COL21A1: variants seen among roughly 807,000 people sequenced by gnomAD.
COL21A1 encodes collagen type XXI alpha 1 chain, also known as collagen alpha-1(XXI) chain.
In COL21A1, 149 loss-of-function variants were observed where a neutral mutation model predicts 137.9. The observed-to-expected ratio is 1.08, with a 90% CI of 0.95 to 1.24. COL21A1 has a LOEUF of 1.24. Among genes scored for constraint, COL21A1 ranks in the 50% most tolerant of loss-of-function variants. The pLI is 0.00. For synonymous variants in COL21A1, 456 were observed against 391.5 expected, an observed-to-expected ratio of 1.16 and a Z score of -1.95; for missense variants, 1,167 against 1,158.4, an observed-to-expected ratio of 1.01 and a Z score of -0.11.
At chr6:56,143,017 C>T (rs746356184) in intron 10 of COL21A1, among the ~76,000 whole-genome samples, 7 of 151,966 alleles carry the variant, frequency 4.6e-5, no homozygotes, top group South Asian at 4.1e-4. Flanking sequence ...ATCACAATTC[C>T]CTGTTTTTCT....
chr6:56,287,042 A>G (rs1763930140), intron 1 of COL21A1, among the ~76,000 whole-genome samples: 1 of 152,208 alleles, frequency 6.6e-6, no homozygotes, highest in Non-Finnish European at 1.5e-5. Context: ...AAAAGGTGGG[A>G]GAATCACTGC....
intron 22 of COL21A1, among the ~76,000 whole-genome samples, chr6:56,067,938 G>C (rs894122190): frequency 2.0e-5 from 3 of 151,596 alleles, no homozygotes; most frequent in Admixed American, 2.0e-4. Flanking sequence ...ACTTGGACAC[G>C]GTTTCCAAAT....
chr6:56,166,459 C>T (rs1776587088), intron 7 of COL21A1, among the ~76,000 whole-genome samples: 1 of 152,138 alleles, frequency 6.6e-6, no homozygotes, highest in African/African-American at 2.4e-5. Flanking sequence ...CGAGACCAGC[C>T]TGGCCAACAT....
chr6:56,275,643 G>T (rs531247991), intron 1 of COL21A1, among the ~76,000 whole-genome samples: 1 of 152,236 alleles, frequency 6.6e-6, no homozygotes, highest in African/African-American at 2.4e-5. Flanking sequence ...AATCATCAGA[G>T]AAATGCAAAT....
At chr6:56,200,354 T>A (rs1473070400) in intron 1 of COL21A1, among the ~76,000 whole-genome samples, 3 of 152,102 alleles carry the variant, frequency 2.0e-5, no homozygotes, top group African/African-American at 7.2e-5. Context: ...GTGCACAACG[T>A]GCAGGTTGGT....
At chr6:56,293,426 G>A (rs991990986) in intron 1 of COL21A1, among the ~76,000 whole-genome samples, 4 of 151,696 alleles carry the variant, frequency 2.6e-5, no homozygotes, top group African/African-American at 7.3e-5. Context: ...ATGAGCTGAT[G>A]AATAAATATG....
chr6:56,075,488 T>C lies in COL21A1; in HGVS notation c.1902A>G (p.Pro634=). The C allele has an allele frequency of 6.5e-7, 1 of 1,538,842 alleles. No individual in the cohort carries two copies. The highest frequency in any genetic ancestry group is 1.2e-5 in the South Asian group (1 of 80,920). The change falls in exon 19 of 30, where the codon CCA becomes CCG. Residue 634 remains proline, a synonymous_variant. Coordinates refer to ENST00000244728, the MANE Select transcript of COL21A1 (RefSeq NM_030820.4). ...AATGACATCAACATACAGGCATCCC[T>C]GGGGCTCCTTTTTTTCCTTGCTGTC... is the stretch of plus-strand genomic sequence containing the variant. The part of the protein sequence containing the change: ...PPGQQGKKGA[P]GMPGLMGSNG...
At chr6:56,326,016 TGTATATA>T (rs1765081116) in intron 1 of COL21A1, among the ~76,000 whole-genome samples, 1 of 3,152 alleles carries the variant, frequency 3.2e-4, no homozygotes, top group Non-Finnish European at 9.5e-4. Flanking sequence ...ATTATGTATA[TGTATATA>T]CATAATATAT....
intron 1 of COL21A1, among the ~76,000 whole-genome samples, chr6:56,212,391 T>C (rs1286764053): frequency 6.6e-6 from 1 of 152,024 alleles, no homozygotes; most frequent in African/African-American, 2.4e-5. Context: ...CACTACTTAA[T>C]AAGAAATTTT....
chr6:56,202,864 T>C (rs1779506597), intron 1 of COL21A1, among the ~76,000 whole-genome samples: 1 of 152,206 alleles, frequency 6.6e-6, no homozygotes, highest in Non-Finnish European at 1.5e-5. Context: ...CATGTCTATA[T>C]AATGAGACCA....
chr6:56,388,065 C>G (rs1456731810), intron 1 of COL21A1, among the ~76,000 whole-genome samples: 1 of 152,154 alleles, frequency 6.6e-6, no homozygotes, highest in Non-Finnish European at 1.5e-5. Context: ...AACTTGGGTA[C>G]CAGCTCAGCC....
chr6:56,376,684 T>A (rs1298750478), intron 1 of COL21A1, among the ~76,000 whole-genome samples: 1 of 152,108 alleles, frequency 6.6e-6, no homozygotes, highest in Non-Finnish European at 1.5e-5. Context: ...ATGGCTTCAA[T>A]TTTCTCCATA....
At chr6:56,206,699 T>TAAATAA (rs1332278144) in intron 1 of COL21A1, among the ~76,000 whole-genome samples, 1 of 11,836 alleles carries the variant, frequency 8.4e-5, no homozygotes, top group Non-Finnish European at 1.4e-4. Flanking sequence ...AATAAATAAA[T>TAAATAA]ATATATATAT....
At chr6:56,163,860 T>A (rs986656410) in intron 9 of COL21A1, among the ~76,000 whole-genome samples, 6 of 152,196 alleles carry the variant, frequency 3.9e-5, no homozygotes, top group Non-Finnish European at 5.9e-5. Context: ...AATCAATATG[T>A]AAATGTAACT....
rs566358408 is a variant in COL21A1 at position 56,307,745 on chromosome 6, G to A, written c.-39+86226C>T. Among the ~76,000 whole-genome samples, 15 of 152,186 alleles carry A rather than the reference G, an allele frequency of 9.9e-5. No individual in the cohort carries two copies. The South Asian group carries it at 1.2e-3, about 13-fold the overall frequency. ...ACCCACGGTCCTGCACCCGCTTTCCGACACTCCCCAGTGAGATGAACCCGG... is the reference window on the plus strand; with the variant it reads ...ACCCACGGTCCTGCACCCGCTTTCCAACACTCCCCAGTGAGATGAACCCGG... On this transcript the variant is annotated intron_variant, in intron 1 of 28. Transcript: ENST00000370819.
At chr6:56,240,049 C>CT (rs1021132911) in intron 1 of COL21A1, among the ~76,000 whole-genome samples, 17 of 152,140 alleles carry the variant, frequency 1.1e-4, no homozygotes, top group South Asian at 6.2e-4. Context: ...GGGGAAACCC[C>CT]TTCCGCTTGG....
At chr6:56,236,975 A>C (rs1313974112) in intron 1 of COL21A1, among the ~76,000 whole-genome samples, 1 of 152,010 alleles carries the variant, frequency 6.6e-6, no homozygotes, top group Non-Finnish European at 1.5e-5. Flanking sequence ...TCCATTTAAA[A>C]CTTCTCAACT....
chr6:56,083,690 T>C (rs746691760), intron 17 of COL21A1, among the ~76,000 whole-genome samples: 15 of 151,928 alleles, frequency 9.9e-5, no homozygotes, highest in Admixed American at 6.6e-5. Flanking sequence ...AGGATGATCA[T>C]CTAAATTCAA....
At chr6:56,174,510 T>A (rs1339719050) in intron 3 of COL21A1, among the ~76,000 whole-genome samples, 1 of 151,964 alleles carries the variant, frequency 6.6e-6, no homozygotes, top group Non-Finnish European at 1.5e-5. Context: ...AAAAAGGATT[T>A]TAAGTGACCA....
Sources: allele counts gnomAD v4.1 joint callset (sites outside exome capture counted in the v4.1 genomes callset), GRCh38; gene constraint gnomAD v4.1.1; transcripts MANE v1.5; gene names NCBI Gene and HGNC (gene_info 2026-07-23, HGNC 2026-07-21).